ANK3: variants seen among roughly 807,000 people sequenced by gnomAD.
ANK3 encodes the protein ankyrin-3.
In ANK3, 57 loss-of-function variants were observed where a neutral mutation model predicts 370.9. The observed-to-expected ratio is 0.15, with a 90% CI of 0.12 to 0.19. The LOEUF (loss-of-function observed/expected upper bound fraction) is 0.19. Among genes scored for constraint, ANK3 ranks in the 10% least tolerant of loss-of-function variants. The pLI is 1.00. For synonymous variants in ANK3, 1,929 were observed against 1,946.3 expected (o/e 0.99, Z 0.23); for missense variants, 4,439 against 5,302.1 (o/e 0.84, Z 5.06).
upstream of ANK3, among the ~76,000 whole-genome samples, chr10:60,394,389 C>T (rs1039774673): frequency 1.3e-5 from 2 of 151,826 alleles, no homozygotes; most frequent in Non-Finnish European, 1.5e-5. Flanking sequence ...ATTCATACAC[C>T]CCTTGTAGGG....
At chr10:60,462,032 G>A (rs909505580) in intron 2 of ANK3, among the ~76,000 whole-genome samples, 1 of 152,120 alleles carries the variant, frequency 6.6e-6, no homozygotes, top group South Asian at 2.1e-4. Context: ...TGTGCTTTGA[G>A]AGAGAAACTA....
At chr10:60,582,995 C>T (rs905454453) in intron 2 of ANK3, among the ~76,000 whole-genome samples, 1 of 152,152 alleles carries the variant, frequency 6.6e-6, no homozygotes, top group Non-Finnish European at 1.5e-5. Flanking sequence ...TATGATCCAA[C>T]AATCCCACTA....
intron 7 of ANK3, among the ~76,000 whole-genome samples, chr10:60,255,785 CT>C (rs1202852166): frequency 6.6e-6 from 1 of 152,160 alleles, no homozygotes; most frequent in African/African-American, 2.4e-5. Context: ...ACTTAAAATG[CT>C]CTTGAGAATA....
intron 2 of ANK3, among the ~76,000 whole-genome samples, chr10:60,434,346 TTATAC>T (rs2064104936): frequency 6.6e-6 from 1 of 152,202 alleles, no homozygotes; most frequent in South Asian, 2.1e-4. Context: ...AGTCTACTTA[TTATAC>T]TATAGGTAAT....
intron 38 of ANK3, among the ~76,000 whole-genome samples, chr10:60,065,291 C>T (rs941220334): frequency 6.6e-6 from 1 of 152,114 alleles, no homozygotes; most frequent in Non-Finnish European, 1.5e-5. Context: ...AAGAGGGAAA[C>T]TTAGGAGTCA....
intron 2 of ANK3, among the ~76,000 whole-genome samples, chr10:60,536,506 T>C (rs1297458384): frequency 6.6e-6 from 1 of 152,050 alleles, no homozygotes; most frequent in Non-Finnish European, 1.5e-5. Context: ...CATAAAAAAC[T>C]TAATAGAGTA....
At chr10:60,202,456 T>C (rs2096697252) in intron 12 of ANK3, among the ~76,000 whole-genome samples, 1 of 152,196 alleles carries the variant, frequency 6.6e-6, no homozygotes, top group African/African-American at 2.4e-5. Flanking sequence ...TATCCAGTAG[T>C]AATGCACCTG....
At chr10:60,573,653 A>T (rs2077645573) in intron 2 of ANK3, among the ~76,000 whole-genome samples, 1 of 152,222 alleles carries the variant, frequency 6.6e-6, no homozygotes, top group African/African-American at 2.4e-5. Context: ...CCATTTAAAC[A>T]CAGCCAAATT....
In ANK3 at chr10:60,032,194, C is replaced by CTTTTTTT. The variant is rs552219776; in HGVS notation, c.*20-2375_*20-2369dup. 4.7e-3 allele frequency among the ~76,000 whole-genome samples: 202 copies of CTTTTTTT among 43,122 alleles called. 42 individuals carry two copies. Among genetic ancestry groups the CTTTTTTT allele is most frequent in the African/African-American group, 0.012 (148 of 12,152 alleles). The allele number at this position is 43,122 out of a possible 152,430, so 28.3% of individuals were successfully genotyped here. On this transcript the variant is annotated intron_variant, in intron 43 of 43. Coordinates refer to ENST00000280772, the MANE Select transcript of ANK3 (RefSeq NM_020987.5). ...TTCAGCTATTATAAATACACAGCTT[C>CTTTTTTT]TTTTTTTTTTTTTTTTTTTTTTTTT...
chr10:60,245,030 G>A (rs2097531966), intron 7 of ANK3, among the ~76,000 whole-genome samples: 1 of 152,148 alleles, frequency 6.6e-6, no homozygotes, highest in South Asian at 2.1e-4. Flanking sequence ...TTAGCCGGGC[G>A]TGGTAGCGGG....
chr10:60,064,398 C>T, intron 38 of ANK3, 110 bp from the exon 39 acceptor site: 1 of 1,127,798 alleles, frequency 8.9e-7, no homozygotes, highest in Non-Finnish European at 1.2e-6. Context: ...TATAGTCAAG[C>T]TCAAGTACAG....
At chr10:60,137,668 G>C (rs2094416803) in intron 24 of ANK3, among the ~76,000 whole-genome samples, 1 of 151,818 alleles carries the variant, frequency 6.6e-6, no homozygotes. Context: ...GAAAGCCTTG[G>C]AATTATATTA....
intron 36 of ANK3, among the ~76,000 whole-genome samples, chr10:60,078,379 A>C (rs139251467): frequency 1.2e-4 from 18 of 152,082 alleles, no homozygotes; most frequent in Non-Finnish European, 2.2e-4. Flanking sequence ...ATATTGCTGA[A>C]CTCTTTTGGA....
chr10:60,070,194 C>T lies in ANK3; in HGVS notation c.10687G>A (p.Glu3563Lys). Residue 3563 changes from glutamate (E) to lysine (K), a missense_variant, in exon 37 of 44, where the codon GAA becomes AAA. By Grantham distance (56) the Glu-to-Lys change is moderately conservative. Transcript: ENST00000280772. The surrounding 1 kb of genome is among the most constrained non-coding windows in gnomAD (Gnocchi z 5.7). ...ACCGCCAGCCCAAATGGCTTAGTTT[C>T]ATCTTCCCGTGATTTACTGTCAAAA... is the stretch of plus-strand genomic sequence containing the variant. Reference protein sequence around the residue: ...EVFDSKSREDETKPFGLAVED... With the variant: ...EVFDSKSREDKTKPFGLAVED... 6.2e-7 allele frequency: 1 copy of T among 1,614,172 alleles called. No homozygotes were observed. The highest frequency in any genetic ancestry group is 8.5e-7 in the Non-Finnish European group (1 of 1,180,020).
rs778862880 is a variant in ANK3 at position 60,072,526 on chromosome 10, C to T, written c.8355G>A (p.Met2785Ile). 6.2e-7 allele frequency: 1 copy of T among 1,613,336 alleles called. No homozygotes were observed. The highest frequency in any genetic ancestry group is 2.2e-5 in the East Asian group (1 of 44,888). Residue 2785 changes from methionine (M) to isoleucine (I), a missense_variant, in exon 37 of 44, where the codon ATG becomes ATA. Physicochemically the swap from Met to Ile is conservative, Grantham distance 10. This residue lies in a region of ANK3 where 1,601 missense variants were observed against 1,731.7 expected (regional missense o/e 0.92). Coordinates refer to ENST00000280772, the MANE Select transcript of ANK3 (RefSeq NM_020987.5). Reference protein sequence around the residue: ...DESVSVQKDFMVLKTKDEHAQ... With the variant: ...DESVSVQKDFIVLKTKDEHAQ... ...CATGCTCATCTTTGGTTTTTAATAC[C>T]ATAAAATCTTTTTGCACAGATACAC...
intron 18 of ANK3, among the ~76,000 whole-genome samples, chr10:60,177,593 C>CTTTTTTTTTTTTTTTTTT (rs771714886): frequency 8.5e-5 from 9 of 106,286 alleles, no homozygotes; most frequent in Non-Finnish European, 1.1e-4. Flanking sequence ...GTCTTCAAAT[C>CTTTTTTTTTTTTTTTTTT]TTTTTTTTTT....
chr10:60,432,552 C>G (rs1277978683), intron 2 of ANK3, among the ~76,000 whole-genome samples: 2 of 152,166 alleles, frequency 1.3e-5, no homozygotes, highest in Non-Finnish European at 2.9e-5. Flanking sequence ...CTACTGTATT[C>G]TTTATTAACT....
At chr10:60,087,967 T>A (rs1408778170) in intron 29 of ANK3, among the ~76,000 whole-genome samples, 180 bp downstream of exon 29, 1 of 152,244 alleles carries the variant, frequency 6.6e-6, no homozygotes, top group Non-Finnish European at 1.5e-5. Flanking sequence ...ATGTACCTTA[T>A]TTAACAAGCC....
At chr10:60,425,372 A>G (rs2063862455) in intron 2 of ANK3, among the ~76,000 whole-genome samples, 1 of 152,166 alleles carries the variant, frequency 6.6e-6, no homozygotes, top group Non-Finnish European at 1.5e-5. Flanking sequence ...TAAAATAAGT[A>G]TTCGGAAGAA....
Sources: allele counts gnomAD v4.1 joint callset (sites outside exome capture counted in the v4.1 genomes callset), GRCh38; gene constraint gnomAD v4.1.1; regional missense constraint gnomAD v4.1.1; non-coding constraint Gnocchi (gnomAD v3.1); transcripts MANE v1.5; gene names NCBI Gene and HGNC (gene_info 2026-07-23, HGNC 2026-07-21).